The following CSRNP3 variants were observed in gnomAD, a reference collection of about 807,000 sequenced individuals.
The protein encoded by CSRNP3 is cysteine and serine rich nuclear protein 3, also known as cysteine/serine-rich nuclear protein 3.
In CSRNP3, 12 loss-of-function variants were observed where a neutral mutation model predicts 48.0. That is an observed-to-expected ratio of 0.25 (90% CI 0.16 to 0.41). The LOEUF is 0.41. Ranked by LOEUF, CSRNP3 falls within the 10% of genes least tolerant of loss-of-function variation. The probability of loss-of-function intolerance (pLI) is 1.00; values close to 1 mark genes in which losing one functional copy is unlikely to be tolerated. For missense variants in CSRNP3, 580 were observed against 724.4 expected (o/e 0.80, Z 2.29); for synonymous variants, 263 against 269.7 (o/e 0.98, Z 0.24).
intron 3 of CSRNP3, among the ~76,000 whole-genome samples, chr2:165,562,647 A>G (rs1039835167): frequency 6.6e-6 from 1 of 152,198 alleles, no homozygotes; most frequent in African/African-American, 2.4e-5. Context: ...CTTTATGTCT[A>G]TATTCTAAAA....
chr2:165,609,433 T>C (rs1241347427), intron 4 of CSRNP3, among the ~76,000 whole-genome samples: 1 of 123,842 alleles, frequency 8.1e-6, no homozygotes, highest in Admixed American at 1.0e-4. Flanking sequence ...CACTCCAGCC[T>C]GGGCGACAGA....
chr2:165,528,251 T>A (rs1197005431), intron 3 of CSRNP3, among the ~76,000 whole-genome samples: 3 of 152,222 alleles, frequency 2.0e-5, no homozygotes, highest in Non-Finnish European at 4.4e-5. Context: ...ATTGCAAATA[T>A]TTTATCCTAA....
chr2:165,624,431 A>AT (rs1196337529), intron 4 of CSRNP3, among the ~76,000 whole-genome samples: 1 of 151,808 alleles, frequency 6.6e-6, no homozygotes, highest in Non-Finnish European at 1.5e-5. Context: ...CACTCTTTTT[A>AT]TTTTTCTTTG....
At chr2:165,528,022 C>T (rs755351452) in intron 3 of CSRNP3, among the ~76,000 whole-genome samples, 1 of 151,828 alleles carries the variant, frequency 6.6e-6, no homozygotes, top group Non-Finnish European at 1.5e-5. Flanking sequence ...ATAATAAAAA[C>T]TTTATACTGA....
Position 165,492,451 on chromosome 2 carries a change from G to T in CSRNP3, c.-282-2308G>T, listed in dbSNP as rs377486600. ...GGGCTTTGGCACACACCATTCCTTT[G>T]TCCTAGACTGCTTTTCCCTAAGAAG... is the stretch of plus-strand genomic sequence containing the variant. On this transcript the variant is annotated intron_variant, in intron 1 of 6. Coordinates refer to ENST00000651982, the MANE Select transcript of CSRNP3 (RefSeq NM_001172173.2). Among the ~76,000 whole-genome samples the T allele has an allele frequency of 7.2e-5, 11 of 151,854 alleles. No homozygotes were observed. In the East Asian group the frequency reaches 1.4e-3, roughly 19 times the overall value.
chr2:165,667,459 A>G (rs1234489242), intron 5 of CSRNP3, among the ~76,000 whole-genome samples: 1 of 152,034 alleles, frequency 6.6e-6, no homozygotes, highest in African/African-American at 2.4e-5. Flanking sequence ...TTTAAAAAAA[A>G]TTGTTCTCAC....
intron 1 of CSRNP3, among the ~76,000 whole-genome samples, chr2:165,471,862 G>GA (rs201110293): frequency 2.0e-5 from 3 of 148,978 alleles, no homozygotes; most frequent in African/African-American, 4.9e-5. Context: ...AGACAAGAGA[G>GA]AAAAAAAAAG....
chr2:165,550,229 G>C (rs955480110), intron 3 of CSRNP3, among the ~76,000 whole-genome samples: 4 of 152,152 alleles, frequency 2.6e-5, no homozygotes, highest in African/African-American at 9.7e-5. Flanking sequence ...AAAAAGTACA[G>C]AGAAAGATAT....
At chr2:165,472,314 T>C (rs1225937786) in intron 1 of CSRNP3, among the ~76,000 whole-genome samples, 1 of 152,042 alleles carries the variant, frequency 6.6e-6, no homozygotes, top group Non-Finnish European at 1.5e-5. Context: ...ATCTATTTAA[T>C]ATGTATAAAA....
At chr2:165,646,064 T>C (rs1205666767) in intron 4 of CSRNP3, among the ~76,000 whole-genome samples, 1 of 152,166 alleles carries the variant, frequency 6.6e-6, no homozygotes, top group African/African-American at 2.4e-5. Context: ...ATTTTAAATG[T>C]AGAATTTCAG....
chr2:165,646,065 A>G (rs917701198), intron 4 of CSRNP3, among the ~76,000 whole-genome samples: 1 of 152,138 alleles, frequency 6.6e-6, no homozygotes, highest in African/African-American at 2.4e-5. Flanking sequence ...TTTTAAATGT[A>G]GAATTTCAGA....
chr2:165,668,123 A>G (rs1687265808), intron 5 of CSRNP3, among the ~76,000 whole-genome samples: 1 of 152,178 alleles, frequency 6.6e-6, no homozygotes, highest in African/African-American at 2.4e-5. Context: ...ACCAAAGCTA[A>G]TATAGTCTTA....
Position 165,679,139 on chromosome 2 carries a change from G to A in CSRNP3, c.1144G>A (p.Glu382Lys). The A allele has an allele frequency of 6.2e-7, 1 of 1,613,878 alleles. No individual in the cohort carries two copies. The highest frequency in any genetic ancestry group is 2.2e-5 in the East Asian group (1 of 44,802). ...EEEEEEEEEEEEDDDDDKGDG... is the reference protein window; with the variant it reads ...EEEEEEEEEEKEDDDDDKGDG... ...GGAGGAAGAAGAAGAGGAAGAGGAG[G>A]AGGAGGATGACGATGATGACAAAGG... is the stretch of plus-strand genomic sequence containing the variant. Residue 382 changes from glutamate to lysine, a missense_variant, in exon 7 of 7, where the codon GAG becomes AAG. Glu to Lys is a moderately conservative substitution (Grantham distance 56). Transcript: ENST00000651982.
intron 3 of CSRNP3, among the ~76,000 whole-genome samples, chr2:165,577,766 C>T (rs1685476617): frequency 6.6e-6 from 1 of 151,180 alleles, no homozygotes; most frequent in Non-Finnish European, 1.5e-5. Flanking sequence ...TAATAATTGT[C>T]CTTTGAGAGC....
rs1406272166 is a variant in CSRNP3, at chr2:165,675,806, C to A, written c.409-506C>A. On this transcript the variant is annotated intron_variant, in intron 5 of 6. Transcript: ENST00000651982. The stretch of plus-strand genomic sequence containing the variant: ...TATTTGTAATCCCTGTAGCACAGTG[C>A]AGCACACCTTTATTTCCTGGTGTAT... 6.6e-5 allele frequency among the ~76,000 whole-genome samples: 10 copies of A among 152,354 alleles called. No individual in the cohort carries two copies. In the East Asian group the frequency reaches 1.7e-3, roughly 26 times the overall value.
At chr2:165,626,920 G>A (rs1197000487) in intron 4 of CSRNP3, among the ~76,000 whole-genome samples, 1 of 152,130 alleles carries the variant, frequency 6.6e-6, no homozygotes, top group African/African-American at 2.4e-5. Flanking sequence ...CCTTTCTGTA[G>A]TTGAACCTCC....
chr2:165,665,750 G>C (rs1408013213), intron 5 of CSRNP3, among the ~76,000 whole-genome samples: 1 of 147,310 alleles, frequency 6.8e-6, no homozygotes, highest in Non-Finnish European at 1.5e-5. Flanking sequence ...CCAGGCGACA[G>C]AGTGAGATTC....
intron 4 of CSRNP3, 77 bp from the exon 5 acceptor site, chr2:165,657,684 C>A: frequency 6.5e-7 from 1 of 1,549,120 alleles, no homozygotes. Context: ...GATTCAAGAT[C>A]ACCAAATGGC....
chr2:165,579,092 G>A (rs1685499202), intron 3 of CSRNP3, among the ~76,000 whole-genome samples: 1 of 152,150 alleles, frequency 6.6e-6, no homozygotes, highest in African/African-American at 2.4e-5. Context: ...ATTCCCTGGT[G>A]CTGATGAGGC....
Sources: gnomAD v4.1 joint callset for allele counts (sites outside exome capture counted in the v4.1 genomes callset) on GRCh38, gnomAD v4.1.1 for gene constraint, MANE v1.5 for transcripts, NCBI Gene and HGNC (gene_info 2026-07-23, HGNC 2026-07-21) for gene names.